Variants in ADAM2 observed in about 807,000 individuals in gnomAD.
ADAM2 encodes the protein ADAM metallopeptidase domain 2.
Under a neutral mutation model 99.3 loss-of-function variants are expected in ADAM2, and 101 were observed. That is an observed-to-expected ratio of 1.02 (90% CI 0.87 to 1.20). The LOEUF is 1.20. Ranked by LOEUF, ADAM2 falls within the 50% of genes most tolerant of loss-of-function variation. The probability of loss-of-function intolerance (pLI) is 0.00; values close to 1 mark genes in which losing one functional copy is unlikely to be tolerated. For missense variants in ADAM2, 948 were observed against 878.7 expected (o/e 1.08, Z -1.00); for synonymous variants, 323 against 287.6 (o/e 1.12, Z -1.25).
At chr8:39,772,668 A>G (rs1254365074) in intron 11 of ADAM2, among the ~76,000 whole-genome samples, 1 of 152,060 alleles carries the variant, frequency 6.6e-6, no homozygotes, top group Non-Finnish European at 1.5e-5. Flanking sequence ...ATCTCAATCA[A>G]GATATTTCTT....
chr8:39,768,559 C>T (rs1441889437), intron 12 of ADAM2, among the ~76,000 whole-genome samples: 2 of 152,136 alleles, frequency 1.3e-5, no homozygotes, highest in African/African-American at 4.8e-5. Flanking sequence ...ACTTAAATAT[C>T]GACCTGGATT....
rs777429932 is a variant in ADAM2, at chr8:39,792,182, G to GC, written c.571-3443dup. Reference sequence around the variant, plus strand: ...CAGTACTCTATCTTCTGGTATACCTGCTTCTCTTATGCTCAAAATGTATGT... The same window carrying GC: ...CAGTACTCTATCTTCTGGTATACCTGCCTTCTCTTATGCTCAAAATGTATGT... On this transcript the variant is annotated intron_variant, in intron 7 of 20. Transcript: ENST00000265708. 4.2e-4 allele frequency among the ~76,000 whole-genome samples: 64 copies of GC among 151,296 alleles called. 2 individuals are homozygous for GC. The highest frequency in any genetic ancestry group is 4.0e-3 in the South Asian group (19 of 4,794).
intron 7 of ADAM2, among the ~76,000 whole-genome samples, chr8:39,798,708 A>C (rs1224760985): frequency 6.6e-6 from 1 of 152,092 alleles, no homozygotes; most frequent in Non-Finnish European, 1.5e-5. Flanking sequence ...CTACTGCCTC[A>C]ATTTCAGAGC....
intron 11 of ADAM2, among the ~76,000 whole-genome samples, chr8:39,770,020 C>G (rs1051861094): frequency 6.9e-6 from 1 of 145,858 alleles, no homozygotes; most frequent in Admixed American, 7.1e-5. Context: ...GATCTCTGCT[C>G]ACTGCAATGT....
Position 39,767,202 on chromosome 8 carries a change from A to G in ADAM2, c.1262T>C (p.Phe421Ser), listed in dbSNP as rs569014610. Residue 421 changes from phenylalanine to serine, a missense_variant, in exon 13 of 21, where the codon TTT becomes TCT. Phe to Ser is a radical substitution (Grantham distance 155). Coordinates refer to ENST00000265708, the MANE Select transcript of ADAM2 (RefSeq NM_001464.5). ...TTCAGCACAGTTTGAACCGGCTTTA[A>G]ATCTACATGTGGCAATATCACAGCA... ...ETCCDIATCRFKAGSNCAEGP... is the reference protein window; with the variant it reads ...ETCCDIATCRSKAGSNCAEGP... 3 of 1,608,286 alleles carry G rather than the reference A, an allele frequency of 1.9e-6. No homozygotes were observed. Among genetic ancestry groups the G allele is most frequent in the Non-Finnish European group, 2.5e-6 (3 of 1,178,860 alleles).
intron 15 of ADAM2, among the ~76,000 whole-genome samples, chr8:39,760,614 G>A (rs1051377907): frequency 6.6e-6 from 1 of 152,010 alleles, no homozygotes; most frequent in African/African-American, 2.4e-5. Context: ...GCAGCTACTC[G>A]GGAGGCTGAG....
At chr8:39,758,336 G>A (rs1223535458) in intron 15 of ADAM2, among the ~76,000 whole-genome samples, 1 of 152,020 alleles carries the variant, frequency 6.6e-6, no homozygotes, top group Non-Finnish European at 1.5e-5. Context: ...AAAACTGTAT[G>A]TGTTTATAAT....
chr8:39,785,294 A>G (rs769602253), intron 10 of ADAM2, among the ~76,000 whole-genome samples: 1 of 152,198 alleles, frequency 6.6e-6, no homozygotes, highest in Non-Finnish European at 1.5e-5. Flanking sequence ...CATTAGAGAA[A>G]TGCAAATCAA....
chr8:39,761,231 C>T lies in ADAM2; in HGVS notation c.1558G>A (p.Asp520Asn). The T allele has an allele frequency of 6.2e-7, 1 of 1,605,194 alleles. No homozygotes were observed. The highest frequency in any genetic ancestry group is 1.1e-5 in the South Asian group (1 of 89,536). Residue 520 changes from aspartate to asparagine, a missense_variant, in exon 15 of 21, where the codon GAT becomes AAT. Coordinates refer to ENST00000265708, the MANE Select transcript of ADAM2 (RefSeq NM_001464.5). ...ECYSHLNSKT[D>N]VSGNCGISDS... Reference sequence around the variant, plus strand: ...CTTATACCACAGTTTCCAGATACATCAGTCTTTGAATTAAGGTGAGAATAA... The same window carrying T: ...CTTATACCACAGTTTCCAGATACATTAGTCTTTGAATTAAGGTGAGAATAA...
intron 11 of ADAM2, among the ~76,000 whole-genome samples, chr8:39,770,334 GCTCCGATATTTGTTT>G (rs1316446044): frequency 3.9e-5 from 6 of 152,132 alleles, no homozygotes; most frequent in African/African-American, 1.2e-4. Flanking sequence ...ATGCCCAATA[GCTCCGATATTTGTTT>G]CTCTGGCGTT....
At chr8:39,777,951 A>G (rs749826205) in intron 10 of ADAM2, among the ~76,000 whole-genome samples, 2 of 149,978 alleles carry the variant, frequency 1.3e-5, no homozygotes, top group African/African-American at 2.4e-5. Flanking sequence ...AATGACTGAT[A>G]TAAGAATTCT....
At chr8:39,760,613 C>A (rs1158529060) in intron 15 of ADAM2, among the ~76,000 whole-genome samples, 3 of 151,798 alleles carry the variant, frequency 2.0e-5, no homozygotes, top group African/African-American at 7.3e-5. Flanking sequence ...CGCAGCTACT[C>A]GGGAGGCTGA....
chr8:39,773,191 TAGAC>T (rs1241927625), intron 11 of ADAM2, among the ~76,000 whole-genome samples: 1 of 151,724 alleles, frequency 6.6e-6, no homozygotes, highest in African/African-American at 2.4e-5. Context: ...CTAAAATAGC[TAGAC>T]AAAGAAGAAA....
chr8:39,810,792 G>A (rs898650147), intron 6 of ADAM2, among the ~76,000 whole-genome samples: 81 of 152,270 alleles, frequency 5.3e-4, no homozygotes, highest in Non-Finnish European at 1.1e-3. Context: ...GCAGTGTGTA[G>A]AGGGAAATTT....
chr8:39,746,583 G>T lies in ADAM2; in HGVS notation c.2063C>A (p.Pro688Gln). 6.2e-7 allele frequency: 1 copy of T among 1,606,914 alleles called. No individual in the cohort carries two copies. The highest frequency in any genetic ancestry group is 8.5e-7 in the Non-Finnish European group (1 of 1,176,626). Residue 688 changes from proline (P) to glutamine (Q), a missense_variant, in exon 19 of 21, where the codon CCA becomes CAA. Physicochemically the swap from Pro to Gln is moderately conservative, Grantham distance 76. Transcript: ENST00000265708. ...AAAGAAAGGAATGAATAAGAAAAAT[G>T]GCCATCTCATTGGTTTGGAATGGTA... ...NIYHSKPMRWPFFLFIPFFII... is the reference protein window; with the variant it reads ...NIYHSKPMRWQFFLFIPFFII...
At chr8:39,823,161 G>A (rs1387396540) in intron 4 of ADAM2, among the ~76,000 whole-genome samples, 3 of 152,104 alleles carry the variant, frequency 2.0e-5, no homozygotes, top group Non-Finnish European at 2.9e-5. Context: ...TTGTCCTGGA[G>A]AGATCACAAA....
chr8:39,836,190 C>T (rs1805814917), intron 2 of ADAM2, among the ~76,000 whole-genome samples: 1 of 151,954 alleles, frequency 6.6e-6, no homozygotes, highest in African/African-American at 2.4e-5. Flanking sequence ...ATGAATTTGA[C>T]AGTTGAAAAT....
chr8:39,776,275 C>T (rs1422834528), intron 11 of ADAM2, among the ~76,000 whole-genome samples: 1 of 152,056 alleles, frequency 6.6e-6, no homozygotes, highest in Non-Finnish European at 1.5e-5. Flanking sequence ...ATCCCTGCCA[C>T]CCCAAAAATC....
At chr8:39,769,814 G>A (rs959050622) in intron 11 of ADAM2, among the ~76,000 whole-genome samples, 4 of 152,116 alleles carry the variant, frequency 2.6e-5, no homozygotes, top group African/African-American at 9.7e-5. Context: ...TCATGACACT[G>A]CTCTCTCTTG....
Sources: gnomAD v4.1 joint callset for allele counts (sites outside exome capture counted in the v4.1 genomes callset) on GRCh38, gnomAD v4.1.1 for gene constraint, MANE v1.5 for transcripts, NCBI Gene and HGNC (gene_info 2026-07-23, HGNC 2026-07-21) for gene names.